Variants in TECTA observed in about 807,000 individuals in gnomAD.
TECTA encodes the protein tectorin alpha.
A neutral mutation model predicts 216.8 loss-of-function variants in TECTA; 128 were observed. That is an observed-to-expected ratio of 0.59 (90% CI 0.51 to 0.68). TECTA has a LOEUF of 0.68. TECTA is among the 30% of genes least tolerant of loss of function. The pLI, the probability that TECTA is intolerant of heterozygous loss-of-function variation, is 0.00. For synonymous variants in TECTA, 1,089 were observed against 1,117.1 expected, an observed-to-expected ratio of 0.97 and a Z score of 0.50; for missense variants, 2,551 against 2,786.2, an observed-to-expected ratio of 0.92 and a Z score of 1.90.
At chr11:121,131,900 GC>G (rs1462687436) in intron 10 of TECTA, among the ~76,000 whole-genome samples, 1 of 152,160 alleles carries the variant, frequency 6.6e-6, no homozygotes, top group Non-Finnish European at 1.5e-5. Context: ...ATATCTGGAG[GC>G]CTCTGATGTT....
intron 16 of TECTA, among the ~76,000 whole-genome samples, chr11:121,162,753 C>A (rs1346232398): frequency 1.3e-5 from 2 of 152,100 alleles, no homozygotes; most frequent in Non-Finnish European, 2.9e-5. Flanking sequence ...TATCAGAAAG[C>A]GAAGGCACAG....
At position 121,166,796 on chromosome 11, in the gene TECTA, G is replaced by A. The variant is rs746650968; in HGVS notation, c.5586+16G>A. 1.2e-6 allele frequency: 2 copies of A among 1,612,884 alleles called. No individual in the cohort carries two copies. The highest frequency in any genetic ancestry group is 1.7e-6 in the Non-Finnish European group (2 of 1,179,952). Reference sequence around the variant, plus strand: ...CATTGTGCAGGTGAGAAAAGCAGCAGGAAAGAGCACCTGGCAGAGGCAGCG... The same window carrying A: ...CATTGTGCAGGTGAGAAAAGCAGCAAGAAAGAGCACCTGGCAGAGGCAGCG... On this transcript the variant is annotated intron_variant, in intron 18 of 23. Transcript: ENST00000392793.
At chr11:121,153,767 T>C (rs1228112110) in intron 13 of TECTA, among the ~76,000 whole-genome samples, 1 of 152,214 alleles carries the variant, frequency 6.6e-6, no homozygotes, top group Non-Finnish European at 1.5e-5. Context: ...CATTTCACTT[T>C]TTGGACTTTG....
In TECTA at chr11:121,160,203, G is replaced by T; in HGVS notation, c.4758G>T (p.Gly1586=). The T allele has an allele frequency of 6.2e-7, 1 of 1,614,168 alleles. No homozygotes were observed. The highest frequency in any genetic ancestry group is 8.5e-7 in the Non-Finnish European group (1 of 1,180,040). Reference sequence around the variant, plus strand: ...CAACCAAAATCTACAGCAGTGAGGGGTTTCTGGTGATTGACACCAGCCCAG... The same window carrying T: ...CAACCAAAATCTACAGCAGTGAGGGTTTTCTGGTGATTGACACCAGCCCAG... ...GLATKIYSSE[G]FLVIDTSPDI... is the part of the protein sequence containing the mutation. Residue 1586 remains glycine (G), a synonymous_variant, in exon 15 of 24, where the codon GGG becomes GGT. Transcript: ENST00000392793.
At chr11:121,177,251 C>T (rs1026636065) in intron 20 of TECTA, among the ~76,000 whole-genome samples, 1 of 152,014 alleles carries the variant, frequency 6.6e-6, no homozygotes, top group African/African-American at 2.4e-5. Context: ...GAGAGGCGCT[C>T]TGCTTTTTAG....
At chr11:121,117,037 T>C (rs1417155776) in intron 6 of TECTA, among the ~76,000 whole-genome samples, 1 of 152,258 alleles carries the variant, frequency 6.6e-6, no homozygotes, top group Non-Finnish European at 1.5e-5. Flanking sequence ...AGACTGTTAC[T>C]GATACACCCG....
At chr11:121,159,846 T>C (rs1235994272) in intron 14 of TECTA, among the ~76,000 whole-genome samples, 1 of 152,234 alleles carries the variant, frequency 6.6e-6, no homozygotes, top group Non-Finnish European at 1.5e-5. Flanking sequence ...TTTGCTTCCT[T>C]TGGGGCAACT....
At position 121,189,975 on chromosome 11, in the gene TECTA, A is replaced by G. The variant is rs1235966848; in HGVS notation, c.6367+95A>G. The G allele has an allele frequency of 3.0e-6, 3 of 998,402 alleles. No individual in the cohort carries two copies. In the Admixed American group the frequency reaches 5.3e-5, roughly 18 times the overall value. The allele number at this position is 998,402 out of a possible 1,614,324, so 61.8% of individuals were successfully genotyped here. The stretch of plus-strand genomic sequence containing the variant: ...ATTCAGATTTGAAGGCCACTCGGTC[A>G]GCAACTCTCCCTCGAAAACTCCAGA... On this transcript the variant is annotated intron_variant, in intron 23 of 23. Transcript: ENST00000392793.
rs553250812 is a variant in TECTA, at chr11:121,184,172, A to C, written c.6000-3660A>C. On this transcript the variant is annotated intron_variant, in intron 20 of 23. Transcript: ENST00000392793. The stretch of plus-strand genomic sequence containing the variant: ...CCCATTCAAACTAGTTTATGCAAAA[A>C]CCAAGGCATTTAATGGTTACAACAC... Among the ~76,000 whole-genome samples the C allele has an allele frequency of 2.6e-5, 4 of 152,310 alleles. No homozygotes were observed. The South Asian group carries it at 8.3e-4, about 32-fold the overall frequency.
intron 20 of TECTA, among the ~76,000 whole-genome samples, chr11:121,181,727 C>T (rs1040940640): frequency 2.0e-5 from 3 of 152,106 alleles, no homozygotes; most frequent in Non-Finnish European, 4.4e-5. Context: ...CTTGGCCTCA[C>T]AAAGTGCTGG....
chr11:121,164,321 T>C (rs937211019), intron 16 of TECTA, among the ~76,000 whole-genome samples: 1 of 152,180 alleles, frequency 6.6e-6, no homozygotes, highest in Admixed American at 6.5e-5. Context: ...CTTTTAAAAC[T>C]CTTTTTAAAA....
intron 14 of TECTA, among the ~76,000 whole-genome samples, chr11:121,159,686 A>AT (rs1946979148): frequency 6.6e-6 from 1 of 152,098 alleles, no homozygotes; most frequent in Admixed American, 6.5e-5. Context: ...ACTGTGTTAG[A>AT]CTCTCCTTGG....
chr11:121,176,416 G>A lies in TECTA; in HGVS notation c.5999+7491G>A, dbSNP rs1284543839. Among the ~76,000 whole-genome samples the A allele has an allele frequency of 3.4e-4, 49 of 143,330 alleles. 1 individual carries two copies. The highest frequency in any genetic ancestry group is 3.3e-3 in the Middle Eastern group (1 of 300). The allele number at this position is 143,330 out of a possible 152,430, so 94.0% of individuals were successfully genotyped here. On this transcript the variant is annotated intron_variant, in intron 20 of 23. Coordinates refer to ENST00000392793, the MANE Select transcript of TECTA (RefSeq NM_005422.4). ...AAAATCTCTCAGCATTTGCTTGTCT[G>A]TAAAGTATTTTATTTCTCCTTCACT...
intron 13 of TECTA, among the ~76,000 whole-genome samples, chr11:121,156,492 T>C (rs894768290): frequency 6.6e-6 from 1 of 152,058 alleles, no homozygotes; most frequent in Non-Finnish European, 1.5e-5. Flanking sequence ...TATAGACATG[T>C]GCCACCATGC....
intron 20 of TECTA, among the ~76,000 whole-genome samples, chr11:121,182,620 C>T (rs567727753): frequency 6.6e-6 from 1 of 152,188 alleles, no homozygotes; most frequent in African/African-American, 2.4e-5. Context: ...TGAGCACTGG[C>T]AGTGGGTGGG....
chr11:121,109,109 T>C (rs1484699423), intron 3 of TECTA, 102 bp from the exon 4 acceptor site: 11 of 1,320,252 alleles, frequency 8.3e-6, no homozygotes, highest in Non-Finnish European at 1.2e-5. Flanking sequence ...AGTTTAAAAG[T>C]TGTTTTCATT....
chr11:121,136,741 A>G (rs1205273447), intron 10 of TECTA, among the ~76,000 whole-genome samples: 1 of 152,162 alleles, frequency 6.6e-6, no homozygotes, highest in Non-Finnish European at 1.5e-5. Flanking sequence ...AAAACATACA[A>G]TGCTCCCTCT....
At chr11:121,175,375 A>G (rs1947155190) in intron 20 of TECTA, among the ~76,000 whole-genome samples, 1 of 151,784 alleles carries the variant, frequency 6.6e-6, no homozygotes, top group African/African-American at 2.4e-5. Flanking sequence ...TGTGTCCCAG[A>G]GATTCTGGTA....
At chr11:121,118,775 A>G (rs1946526785) in intron 7 of TECTA, 57 bp downstream of exon 7, 12 of 1,597,766 alleles carry the variant, frequency 7.5e-6, no homozygotes, top group South Asian at 1.1e-5. Context: ...TCTTCAGCCT[A>G]GGGAAGACTT....
Sources: gnomAD v4.1 joint callset for allele counts (sites outside exome capture counted in the v4.1 genomes callset) on GRCh38, gnomAD v4.1.1 for gene constraint, MANE v1.5 for transcripts, NCBI Gene and HGNC (gene_info 2026-07-23, HGNC 2026-07-21) for gene names.